Variants in TXLNB observed in about 807,000 individuals in gnomAD.
TXLNB encodes taxilin beta, also known as beta-taxilin.
In TXLNB, 37 loss-of-function variants were observed where a neutral mutation model predicts 57.4. That is an observed-to-expected ratio of 0.64 (90% CI 0.50 to 0.85). The LOEUF (loss-of-function observed/expected upper bound fraction) is 0.85. Among genes scored for constraint, TXLNB ranks in the 40% least tolerant of loss-of-function variants. TXLNB has a pLI of 0.00. For synonymous variants in TXLNB, 302 were observed against 309.6 expected, an observed-to-expected ratio of 0.98 and a Z score of 0.26; for missense variants, 848 against 825.6, an observed-to-expected ratio of 1.03 and a Z score of -0.33.
chr6:139,232,367 T>C, the TXLNB span, among the ~76,000 whole-genome samples: 1 of 152,196 alleles, frequency 6.6e-6, no homozygotes, highest in Non-Finnish European at 1.5e-5. Flanking sequence ...CTGGGGATTA[T>C]GGGGATTACA....
the TXLNB span, among the ~76,000 whole-genome samples, chr6:139,193,822 T>TTA: frequency 3.0e-3 from 279 of 92,622 alleles, 4 homozygotes; most frequent in Middle Eastern, 0.017. Flanking sequence ...CCTGGCTAAT[T>TTA]TATATATATA....
chr6:139,245,325 C>T (rs972010890), intron 8 of TXLNB: 1 of 152,254 alleles, frequency 6.6e-6, no homozygotes, highest in Admixed American at 6.5e-5. Flanking sequence ...GTGGGGCTGC[C>T]ATTCTTTTAT....
At chr6:139,202,028 G>A in the TXLNB span, among the ~76,000 whole-genome samples, 1 of 152,036 alleles carries the variant, frequency 6.6e-6, no homozygotes, top group Non-Finnish European at 1.5e-5. Flanking sequence ...CATATTTTTA[G>A]TTTTATTATT....
chr6:139,170,892 G>A, the TXLNB span, among the ~76,000 whole-genome samples: 2 of 152,138 alleles, frequency 1.3e-5, no homozygotes, highest in African/African-American at 4.8e-5. Context: ...GAGATAAAAG[G>A]TGTGGACAGA....
chr6:139,161,487 G>A, the TXLNB span, among the ~76,000 whole-genome samples: 8 of 152,102 alleles, frequency 5.3e-5, no homozygotes, highest in African/African-American at 1.9e-4. Flanking sequence ...CACAGCTGTG[G>A]TACCTTGTCT....
chr6:139,305,442 T>A, the TXLNB span, among the ~76,000 whole-genome samples: 1 of 146,936 alleles, frequency 6.8e-6, no homozygotes, highest in Non-Finnish European at 1.5e-5. Flanking sequence ...TTAAAACAAT[T>A]TTTTTTTGGT....
chr6:139,206,048 A>T, the TXLNB span, among the ~76,000 whole-genome samples: 1 of 152,244 alleles, frequency 6.6e-6, no homozygotes, highest in Non-Finnish European at 1.5e-5. Context: ...AATAATTGTC[A>T]TCCAAGAATT....
chr6:139,278,744 G>A (rs370229985), intron 2 of TXLNB, among the ~76,000 whole-genome samples: 1 of 152,204 alleles, frequency 6.6e-6, no homozygotes, highest in East Asian at 1.9e-4. Flanking sequence ...GGTGGCTCAC[G>A]CCTGTAATCC....
the TXLNB span, among the ~76,000 whole-genome samples, chr6:139,195,125 ATCTATGTTTCTTAGT>A: frequency 2.0e-5 from 3 of 152,050 alleles, no homozygotes; most frequent in Non-Finnish European, 4.4e-5. Context: ...CCTGGAGGCC[ATCTATGTTTCTTAGT>A]TCATGGCCCC....
At chr6:139,282,775 G>A (rs575122247) in intron 2 of TXLNB, among the ~76,000 whole-genome samples, 1 of 145,700 alleles carries the variant, frequency 6.9e-6, no homozygotes, top group Non-Finnish European at 1.5e-5. Context: ...CGATGTCAGT[G>A]ACACAAAGTC....
the TXLNB span, among the ~76,000 whole-genome samples, chr6:139,187,091 T>G: frequency 6.6e-6 from 1 of 152,194 alleles, no homozygotes; most frequent in Non-Finnish European, 1.5e-5. Context: ...TTGTATACTT[T>G]AAATATGTTT....
At chr6:139,284,268 G>A (rs576875051) in intron 2 of TXLNB, among the ~76,000 whole-genome samples, 4 of 145,322 alleles carry the variant, frequency 2.8e-5, no homozygotes, top group Admixed American at 2.0e-4. Flanking sequence ...GGTGGCTCAC[G>A]GCTGTAATCC....
intron 2 of TXLNB, among the ~76,000 whole-genome samples, chr6:139,279,416 C>G (rs1166294671): frequency 6.6e-6 from 1 of 152,074 alleles, no homozygotes; most frequent in Non-Finnish European, 1.5e-5. Context: ...TTCTTCCCTT[C>G]AACAAAAAAT....
the TXLNB span, among the ~76,000 whole-genome samples, chr6:139,194,564 C>T: frequency 2.0e-3 from 310 of 152,250 alleles, 1 homozygote; most frequent in African/African-American, 7.1e-3. Flanking sequence ...TCAATTCAGT[C>T]ACCAAAATAT....
upstream of TXLNB, among the ~76,000 whole-genome samples, chr6:139,295,822 T>C (rs981715235): frequency 6.6e-6 from 1 of 152,252 alleles, no homozygotes; most frequent in African/African-American, 2.4e-5. Context: ...ATTGTGATTA[T>C]AGTTCTATTC....
upstream of TXLNB, among the ~76,000 whole-genome samples, chr6:139,294,373 G>A (rs1777353463): frequency 6.6e-6 from 1 of 152,078 alleles, no homozygotes; most frequent in South Asian, 2.1e-4. Context: ...GATTTCATGG[G>A]GCTCTCATTT....
chr6:139,288,550 C>A lies in TXLNB; in HGVS notation c.350G>T (p.Gly117Val). 1 of 1,614,072 alleles carries A rather than the reference C, an allele frequency of 6.2e-7. No individual in the cohort carries two copies. The highest frequency in any genetic ancestry group is 2.2e-5 in the East Asian group (1 of 44,898). The change falls in exon 2 of 10, where the codon GGA (glycine) becomes GTA (valine). Residue 117 changes from glycine (G) to valine (V), a missense_variant. Physicochemically the swap from Gly to Val is moderately radical, Grantham distance 109. Coordinates refer to ENST00000358430, the MANE Select transcript of TXLNB (RefSeq NM_153235.4). ...GGGCTCTTTGACAGTGGGTGGCTCT[C>A]CAGAAGCAACGGGTTCTCTTCCAGC... The part of the protein sequence containing the change: ...EEAGREPVAS[G>V]EPPTVKEPVS...
the TXLNB span, among the ~76,000 whole-genome samples, chr6:139,195,311 G>A: frequency 6.6e-6 from 1 of 152,046 alleles, no homozygotes; most frequent in Admixed American, 6.6e-5. Flanking sequence ...CCTTTCACTT[G>A]GTAGTTTTAT....
intron 8 of TXLNB, among the ~76,000 whole-genome samples, chr6:139,247,532 CTTTTTTTTTTTT>C (rs61368061): frequency 3.2e-5 from 2 of 63,078 alleles, no homozygotes; most frequent in African/African-American, 1.2e-4. Context: ...CTCTGGTCTT[CTTTTTTTTTTTT>C]TTTTTTTTTT....
Sources: gnomAD v4.1 joint callset for allele counts (sites outside exome capture counted in the v4.1 genomes callset) on GRCh38, gnomAD v4.1.1 for gene constraint, MANE v1.5 for transcripts, NCBI Gene and HGNC (gene_info 2026-07-23, HGNC 2026-07-21) for gene names.